The following ACKR2 variants were observed in gnomAD, a reference collection of about 807,000 sequenced individuals.
ACKR2 encodes the protein C-C chemokine receptor D6.
For missense variants in ACKR2, 457 were observed against 477.3 expected (o/e 0.96, Z 0.40); for synonymous variants, 207 against 192.2 (o/e 1.08, Z -0.64).
rs1453345117 is a variant in ACKR2 at position 42,864,895 on chromosome 3, C to T, written c.393C>T (p.Gly131=). Residue 131 remains glycine, a synonymous_variant, in exon 3 of 3, where the codon GGC becomes GGT. Transcript: ENST00000422265. ...STLYTINFYS[G]IFFISCMSLD... is the part of the protein sequence containing the mutation. ...TTTATACTATTAACTTTTACAGTGG[C>T]ATCTTTTTCATTAGCTGCATGAGCC... is the stretch of plus-strand genomic sequence containing the variant. The T allele has an allele frequency of 6.2e-7, 1 of 1,614,170 alleles. No individual in the cohort carries two copies. The highest frequency in any genetic ancestry group is 8.5e-7 in the Non-Finnish European group (1 of 1,180,040).
At chr3:42,843,254 A>C (rs1701058867) in intron 2 of ACKR2, among the ~76,000 whole-genome samples, 2 of 151,622 alleles carry the variant, frequency 1.3e-5, no homozygotes, top group Non-Finnish European at 2.9e-5. Context: ...TATTTTTAGT[A>C]GAGACGGGAT....
chr3:42,849,928 G>A (rs1053450459), intron 2 of ACKR2, among the ~76,000 whole-genome samples: 26 of 152,220 alleles, frequency 1.7e-4, no homozygotes, highest in African/African-American at 5.3e-4. Flanking sequence ...TTAGCCTTAG[G>A]CTAAATGCAA....
At chr3:42,855,229 T>TGG (rs1327983718) in intron 2 of ACKR2, among the ~76,000 whole-genome samples, 1 of 152,110 alleles carries the variant, frequency 6.6e-6, no homozygotes, top group Non-Finnish European at 1.5e-5. Context: ...AAGGATGAGG[T>TGG]GGGACCAGGG....
At chr3:42,816,801 G>A (rs1026966584) in intron 1 of ACKR2, among the ~76,000 whole-genome samples, 16 of 151,936 alleles carry the variant, frequency 1.1e-4, no homozygotes, top group African/African-American at 3.6e-4. Flanking sequence ...CAGGTGATCT[G>A]CCCACCTCAG....
At chr3:42,858,046 G>A (rs546110312) in intron 2 of ACKR2, among the ~76,000 whole-genome samples, 9 of 152,334 alleles carry the variant, frequency 5.9e-5, no homozygotes, top group African/African-American at 1.7e-4. Context: ...GATAAAACTC[G>A]CATTTCCCTG....
chr3:42,861,907 T>C lies in ACKR2; in HGVS notation c.-37-2559T>C, dbSNP rs2088388770. 2.0e-5 allele frequency among the ~76,000 whole-genome samples: 3 copies of C among 152,164 alleles called. No homozygotes were observed. In the South Asian group the frequency reaches 6.2e-4, roughly 31 times the overall value. On this transcript the variant is annotated intron_variant, in intron 2 of 2. Transcript: ENST00000422265. The stretch of plus-strand genomic sequence containing the variant: ...GGTGACAAACCCACAGCCAATATCA[T>C]ACTGAATGGGCAGAATCTGGAAGCA...
At chr3:42,818,446 T>C (rs1700775478) in intron 1 of ACKR2, among the ~76,000 whole-genome samples, 1 of 152,210 alleles carries the variant, frequency 6.6e-6, no homozygotes, top group Admixed American at 6.5e-5. Context: ...GAGTTTTCAC[T>C]TTCATAGTGA....
At chr3:42,843,703 C>G (rs1019568375) in intron 2 of ACKR2, among the ~76,000 whole-genome samples, 3 of 152,134 alleles carry the variant, frequency 2.0e-5, no homozygotes, top group African/African-American at 7.2e-5. Flanking sequence ...CTGATTTAGC[C>G]AAAGTGTTCC....
At chr3:42,829,598 A>G (rs986458136) in intron 2 of ACKR2, among the ~76,000 whole-genome samples, 1 of 152,040 alleles carries the variant, frequency 6.6e-6, no homozygotes, top group African/African-American at 2.4e-5. Context: ...CACTTTTCCG[A>G]TAGGGCCGTG....
chr3:42,816,365 T>C (rs1160467381), intron 1 of ACKR2, among the ~76,000 whole-genome samples: 1 of 152,174 alleles, frequency 6.6e-6, no homozygotes, highest in Non-Finnish European at 1.5e-5. Context: ...GTTTACATAG[T>C]GTCTTACCTT....
intron 2 of ACKR2, among the ~76,000 whole-genome samples, chr3:42,824,467 A>G (rs2125605977): frequency 6.6e-6 from 1 of 152,322 alleles, no homozygotes; most frequent in South Asian, 2.1e-4. Context: ...AACATTTTTC[A>G]TCATGCCAAA....
intron 2 of ACKR2, among the ~76,000 whole-genome samples, chr3:42,840,622 G>A (rs1181125902): frequency 6.6e-6 from 1 of 152,228 alleles, no homozygotes; most frequent in Non-Finnish European, 1.5e-5. Context: ...ATTCCAGTCC[G>A]TCTGGGTCCA....
Position 42,857,006 on chromosome 3 carries a change from TG to T in ACKR2, c.-37-7457del, listed in dbSNP as rs1338951294. Among the ~76,000 whole-genome samples the T allele has an allele frequency of 5.9e-5, 9 of 151,882 alleles. No individual in the cohort carries two copies. In the Admixed American group the frequency reaches 5.9e-4, roughly 10 times the overall value. ...TATTTTAAATAATGCAATAAAATCC[TG>T]GGATGTCACTGCCTTAGAGGACACT... On this transcript the variant is annotated intron_variant, in intron 2 of 2. Coordinates refer to ENST00000422265, the MANE Select transcript of ACKR2 (RefSeq NM_001296.5).
rs372112857 is a variant in ACKR2 at position 42,811,183 on chromosome 3, A to G, written c.-119+1651A>G. ...CTCATTGTTTTGAAACAAGGCACAT[A>G]CATTTTCTGTAGGGAAAAGAAAGAT... is the stretch of plus-strand genomic sequence containing the variant. On this transcript the variant is annotated intron_variant, in intron 1 of 2. Coordinates refer to ENST00000422265, the MANE Select transcript of ACKR2 (RefSeq NM_001296.5). Among the ~76,000 whole-genome samples, 18 of 139,064 alleles carry G rather than the reference A, an allele frequency of 1.3e-4. 1 individual carries two copies. The highest frequency in any genetic ancestry group is 4.5e-4 in the African/African-American group (18 of 40,426). The allele number at this position is 139,064 out of a possible 152,430, so 91.2% of individuals were successfully genotyped here.
At chr3:42,844,872 G>A (rs1432087792) in intron 2 of ACKR2, among the ~76,000 whole-genome samples, 1 of 152,112 alleles carries the variant, frequency 6.6e-6, no homozygotes, top group Non-Finnish European at 1.5e-5. Context: ...GGGGAGCATG[G>A]TGCCACCTGG....
chr3:42,811,474 G>A (rs906514110), intron 1 of ACKR2, among the ~76,000 whole-genome samples: 2 of 152,204 alleles, frequency 1.3e-5, no homozygotes, highest in Non-Finnish European at 2.9e-5. Flanking sequence ...GGGGCATAAC[G>A]AACTGCGGAA....
At chr3:42,818,012 G>A (rs1158551579) in intron 1 of ACKR2, among the ~76,000 whole-genome samples, 1 of 152,106 alleles carries the variant, frequency 6.6e-6, no homozygotes, top group Admixed American at 6.5e-5. Context: ...TTCTCTTAGA[G>A]TAATCTCATG....
intron 1 of ACKR2, among the ~76,000 whole-genome samples, chr3:42,813,432 G>A (rs1341615520): frequency 1.3e-5 from 2 of 152,206 alleles, no homozygotes; most frequent in Non-Finnish European, 2.9e-5. Flanking sequence ...AGGAAGCATG[G>A]CTAAGGAGGC....
chr3:42,859,489 C>T (rs1359706874), intron 2 of ACKR2, among the ~76,000 whole-genome samples: 2 of 151,992 alleles, frequency 1.3e-5, no homozygotes, highest in African/African-American at 2.4e-5. Flanking sequence ...CGCCATTCTC[C>T]TGCCTCAGCC....
Sources: allele counts gnomAD v4.1 joint callset (sites outside exome capture counted in the v4.1 genomes callset), GRCh38; gene constraint gnomAD v4.1.1; transcripts MANE v1.5; gene names NCBI Gene and HGNC (gene_info 2026-07-23, HGNC 2026-07-21).